PAK1: variants seen among roughly 807,000 people sequenced by gnomAD.
PAK1 encodes the protein serine/threonine-protein kinase PAK 1.
A neutral mutation model predicts 67.4 loss-of-function variants in PAK1; 29 were observed. The observed-to-expected ratio is 0.43, with a 90% CI of 0.32 to 0.59. The LOEUF (loss-of-function observed/expected upper bound fraction) is 0.59, where lower values mean the gene tolerates loss of function less well. Among genes scored for constraint, PAK1 ranks in the 20% least tolerant of loss-of-function variants. The probability of loss-of-function intolerance (pLI) is 0.07; values close to 1 mark genes in which losing one functional copy is unlikely to be tolerated. For synonymous variants in PAK1, 223 were observed against 237.4 expected (o/e 0.94, Z 0.56); for missense variants, 337 against 670.7 (o/e 0.50, Z 5.50).
At chr11:77,332,295 CAGAG>C (rs1168723182) in intron 14 of PAK1, among the ~76,000 whole-genome samples, 1 of 51,196 alleles carries the variant, frequency 2.0e-5, no homozygotes, top group African/African-American at 7.5e-5. Flanking sequence ...GCCTGGGTGA[CAGAG>C]TGAGACCCTG....
At chr11:77,468,970 C>T (rs1957724048) in intron 1 of PAK1, among the ~76,000 whole-genome samples, 1 of 152,040 alleles carries the variant, frequency 6.6e-6, no homozygotes, top group Admixed American at 6.6e-5. Flanking sequence ...AACAAAATAA[C>T]ATCCAGGAAA....
chr11:77,399,714 C>G (rs1952363665), intron 1 of PAK1, among the ~76,000 whole-genome samples: 1 of 150,296 alleles, frequency 6.7e-6, no homozygotes, highest in South Asian at 2.1e-4. Context: ...AAAAAATTAG[C>G]CAGGCGTAGT....
chr11:77,484,255 G>A, the PAK1 span, among the ~76,000 whole-genome samples: 2 of 150,884 alleles, frequency 1.3e-5, no homozygotes, highest in Non-Finnish European at 1.5e-5. Flanking sequence ...GATGAACAGA[G>A]ATAAGTAGAG....
At chr11:77,392,585 G>T in intron 1 of PAK1, 44 bp from the exon 2 acceptor site, 1 of 1,444,214 alleles carries the variant, frequency 6.9e-7, no homozygotes, top group South Asian at 1.4e-5. Flanking sequence ...TATTATTTTT[G>T]ACCAAAAGGA....
At chr11:77,460,722 G>C (rs920997660) in intron 1 of PAK1, among the ~76,000 whole-genome samples, 1 of 152,164 alleles carries the variant, frequency 6.6e-6, no homozygotes, top group Non-Finnish European at 1.5e-5. Context: ...AAGCGAAGAA[G>C]AGATGAGGCA....
chr11:77,374,437 G>C, intron 4 of PAK1, 72 bp from the exon 5 acceptor site: 1 of 934,936 alleles, frequency 1.1e-6, no homozygotes. Flanking sequence ...AGCAAAAGAA[G>C]TCTATCTGGT....
At chr11:77,492,632 C>A in the PAK1 span, among the ~76,000 whole-genome samples, 10 of 151,082 alleles carry the variant, frequency 6.6e-5, no homozygotes, top group East Asian at 2.0e-3. Flanking sequence ...ACCTCAAACT[C>A]CTGGGCTTAA....
chr11:77,331,362 A>G (rs1941470076), intron 14 of PAK1, among the ~76,000 whole-genome samples: 1 of 152,264 alleles, frequency 6.6e-6, no homozygotes, highest in Non-Finnish European at 1.5e-5. Context: ...ACTATTCACA[A>G]CAGCAAAGAC....
chr11:77,408,369 C>G (rs375488332), intron 1 of PAK1: 3 of 152,032 alleles, frequency 2.0e-5, no homozygotes, highest in Admixed American at 6.5e-5. Flanking sequence ...TACACACGAT[C>G]GTACGTACCA....
At chr11:77,520,278 G>A in the PAK1 span, among the ~76,000 whole-genome samples, 1 of 152,096 alleles carries the variant, frequency 6.6e-6, no homozygotes, top group African/African-American at 2.4e-5. Context: ...TTCCTGTGAC[G>A]GGGCACTCTC....
At chr11:77,454,525 T>C (rs7129188) in intron 1 of PAK1, among the ~76,000 whole-genome samples, 2 of 152,170 alleles carry the variant, frequency 1.3e-5, no homozygotes, top group African/African-American at 4.8e-5. Context: ...CCAGACTTTT[T>C]TTTTTATCAG....
chr11:77,506,115 C>T, the PAK1 span, among the ~76,000 whole-genome samples: 1 of 152,198 alleles, frequency 6.6e-6, no homozygotes, highest in African/African-American at 2.4e-5. Context: ...CAACGACTGA[C>T]ATTTAAAGAC....
intron 1 of PAK1, among the ~76,000 whole-genome samples, chr11:77,450,147 C>T (rs1956792349): frequency 6.6e-6 from 1 of 152,126 alleles, no homozygotes; most frequent in Non-Finnish European, 1.5e-5. Flanking sequence ...ATGTCTGATC[C>T]ACAGTATATA....
At chr11:77,509,326 C>A in the PAK1 span, among the ~76,000 whole-genome samples, 1 of 152,128 alleles carries the variant, frequency 6.6e-6, no homozygotes, top group Non-Finnish European at 1.5e-5. Flanking sequence ...GCTGATGTAC[C>A]TCAAATGGAC....
intron 2 of PAK1, among the ~76,000 whole-genome samples, chr11:77,381,942 G>A (rs1163869905): frequency 4.6e-5 from 7 of 152,194 alleles, no homozygotes. Context: ...CCCAAGTCAA[G>A]CAGTCCTTTA....
chr11:77,409,319 G>C (rs1294010023), intron 1 of PAK1, among the ~76,000 whole-genome samples: 1 of 152,030 alleles, frequency 6.6e-6, no homozygotes, highest in Admixed American at 6.5e-5. Context: ...TGGCAAGGAT[G>C]GGGAGAAAGA....
rs139731644 is a variant in PAK1, at chr11:77,453,717, C to A, written c.-22+19835G>T. Among the ~76,000 whole-genome samples, 15 of 152,174 alleles carry A rather than the reference C, an allele frequency of 9.9e-5. No individual in the cohort carries two copies. In the East Asian group the frequency reaches 2.9e-3, roughly 29 times the overall value. On this transcript the variant is annotated intron_variant, in intron 1 of 14. Transcript: ENST00000356341. ...ACAGCCAAATAATTCATATAATGCC[C>A]CAGGGTAAGACTGCAGAGCAGAACC...
At chr11:77,459,663 G>A (rs1416499946) in intron 1 of PAK1, among the ~76,000 whole-genome samples, 1 of 150,170 alleles carries the variant, frequency 6.7e-6, no homozygotes, top group Non-Finnish European at 1.5e-5. Flanking sequence ...AGTGCTGTAA[G>A]AGGAAAACAG....
Position 77,473,651 on chromosome 11 carries a change from T to G in PAK1, c.-121A>C, listed in dbSNP as rs1190369759. 1 of 152,554 alleles carries G rather than the reference T, an allele frequency of 6.6e-6. No individual in the cohort carries two copies. Among genetic ancestry groups the G allele is most frequent in the African/African-American group, 2.4e-5 (1 of 41,370 alleles). 9.5% of individuals were successfully genotyped at this position (152,554 alleles called of 1,614,324 possible). A position where few individuals can be genotyped will look rare whatever the true frequency, so the allele number is the denominator to read the frequency against. On this transcript the variant is annotated 5_prime_UTR_variant, in exon 1 of 15. Transcript: ENST00000356341. ...GGCGCGAGTGTGCGCGAGCTACCGC[T>G]TCACTTTCTCCCTCCTGCCGCCGCC...
Sources: allele counts gnomAD v4.1 joint callset (sites outside exome capture counted in the v4.1 genomes callset), GRCh38; gene constraint gnomAD v4.1.1; transcripts MANE v1.5; gene names NCBI Gene and HGNC (gene_info 2026-07-23, HGNC 2026-07-21).